The following SLC28A3 variants were observed in gnomAD, a reference collection of about 807,000 sequenced individuals.
SLC28A3 encodes the protein concentrative Na(+)-nucleoside cotransporter 3.
SLC28A3 carries 68 observed loss-of-function variants against 84.2 expected under a neutral mutation model. The observed-to-expected ratio is 0.81, with a 90% CI of 0.66 to 0.99. The LOEUF is 0.99. SLC28A3 is among the 50% of genes least tolerant of loss of function. The pLI, the probability that SLC28A3 is intolerant of heterozygous loss-of-function variation, is 0.00. For synonymous variants in SLC28A3, 267 were observed against 303.6 expected (o/e 0.88, Z 1.25); for missense variants, 712 against 841.5 (o/e 0.85, Z 1.90).
chr9:84,285,447 G>C lies in SLC28A3; in HGVS notation c.1545C>G (p.Thr515=). The C allele has an allele frequency of 3.1e-6, 5 of 1,614,126 alleles. No individual in the cohort carries two copies. In the South Asian group the frequency reaches 4.4e-5, roughly 14 times the overall value. Residue 515 remains threonine (T), a synonymous_variant, in exon 14 of 18, where the codon ACC becomes ACG. Coordinates refer to ENST00000376238, the MANE Select transcript of SLC28A3 (RefSeq NM_001199633.2). ...FMVARLIGYK[T]FFNEFVAYEH... ...CATAAGCCACAAATTCATTGAAGAA[G>C]GTCTTATAACCTATGAGTCTGGCAA...
rs116818047 is a variant in SLC28A3 at position 84,335,071 on chromosome 9, T to C, written c.60+5503A>G. On this transcript the variant is annotated intron_variant, in intron 1 of 17. Coordinates refer to ENST00000376238, the MANE Select transcript of SLC28A3 (RefSeq NM_001199633.2). ...GTGGTCTTATCCGCGCTCATATCTA[T>C]GCTAACAGCTCCCAAATGTGTGTCC... is the stretch of plus-strand genomic sequence containing the variant. Among the ~76,000 whole-genome samples the C allele has an allele frequency of 9.2e-3, 1,397 of 152,254 alleles. 36 individuals carry two copies. Among genetic ancestry groups the C allele is most frequent in the African/African-American group, 0.032 (1,321 of 41,530 alleles).
intron 2 of SLC28A3, among the ~76,000 whole-genome samples, chr9:84,311,011 C>T (rs1014867850): frequency 3.3e-5 from 5 of 152,174 alleles, no homozygotes; most frequent in African/African-American, 1.2e-4. Flanking sequence ...CTACAAATCT[C>T]CCTTGACTCC....
At chr9:84,313,865 C>CTTG (rs1826074234) in intron 1 of SLC28A3, among the ~76,000 whole-genome samples, 2 of 134,480 alleles carry the variant, frequency 1.5e-5, no homozygotes, top group Non-Finnish European at 3.1e-5. Context: ...CAAGACTCTA[C>CTTG]CTGAAAAAAA....
chr9:84,306,594 C>T (rs939050748), intron 3 of SLC28A3, among the ~76,000 whole-genome samples: 3 of 151,994 alleles, frequency 2.0e-5, no homozygotes, highest in African/African-American at 7.3e-5. Flanking sequence ...CTGAATAATT[C>T]CCAACCCATT....
At chr9:84,285,587 T>C (rs775403049) in intron 13 of SLC28A3, 45 bp from the exon 14 acceptor site, 1 of 1,608,456 alleles carries the variant, frequency 6.2e-7, no homozygotes, top group Admixed American at 1.7e-5. Flanking sequence ...AGTGATTTGC[T>C]TTCAGTTTTG....
At chr9:84,304,880 G>C (rs555802241) in intron 4 of SLC28A3, among the ~76,000 whole-genome samples, 1 of 152,238 alleles carries the variant, frequency 6.6e-6, no homozygotes, top group Admixed American at 6.5e-5. Context: ...AAATTAGCCG[G>C]GTGTGGTGAC....
At chr9:84,367,379 C>T in the SLC28A3 span, among the ~76,000 whole-genome samples, 21 of 152,162 alleles carry the variant, frequency 1.4e-4, no homozygotes, top group Admixed American at 4.6e-4. Flanking sequence ...TGGTGCTTTG[C>T]CCATTTGTGG....
At chr9:84,367,375 T>C in the SLC28A3 span, among the ~76,000 whole-genome samples, 3 of 152,174 alleles carry the variant, frequency 2.0e-5, no homozygotes, top group Non-Finnish European at 4.4e-5. Flanking sequence ...TGCCTGGTGC[T>C]TTGCCCATTT....
At chr9:84,349,871 T>A in the SLC28A3 span, among the ~76,000 whole-genome samples, 25 of 152,342 alleles carry the variant, frequency 1.6e-4, no homozygotes, top group African/African-American at 5.8e-4. Context: ...GATGACAATC[T>A]TTTTTAATAA....
chr9:84,333,741 C>A (rs1447325201), intron 1 of SLC28A3, among the ~76,000 whole-genome samples: 1 of 152,176 alleles, frequency 6.6e-6, no homozygotes, highest in Non-Finnish European at 1.5e-5. Context: ...CTGACACTAT[C>A]AGCAAAGTTG....
At chr9:84,306,348 G>A (rs1006196751) in intron 3 of SLC28A3, among the ~76,000 whole-genome samples, 6 of 152,112 alleles carry the variant, frequency 3.9e-5, no homozygotes, top group Admixed American at 1.3e-4. Flanking sequence ...CCACTACCCC[G>A]CCTTCCAACA....
intron 14 of SLC28A3, among the ~76,000 whole-genome samples, chr9:84,283,747 A>G (rs1012283970): frequency 2.6e-5 from 4 of 152,208 alleles, no homozygotes; most frequent in Non-Finnish European, 5.9e-5. Context: ...GGAGGTTGGC[A>G]TGGGCATAAT....
At chr9:84,293,072 G>T (rs940222956) in intron 9 of SLC28A3, among the ~76,000 whole-genome samples, 10 of 152,192 alleles carry the variant, frequency 6.6e-5, no homozygotes, top group African/African-American at 2.4e-4. Context: ...CAGGCACTGT[G>T]TTAAGCCCTT....
Position 84,285,134 on chromosome 9 carries a change from TAC to T in SLC28A3, c.1647+209_1647+210del, listed in dbSNP as rs199629953. Among the ~76,000 whole-genome samples, 847 of 152,288 alleles carry T rather than the reference TAC, an allele frequency of 5.6e-3. 29 individuals carry two copies. The highest frequency in any genetic ancestry group is 0.051 in the Admixed American group (778 of 15,290). On this transcript the variant is annotated intron_variant, in intron 14 of 17. Transcript: ENST00000376238. ...TATAGTGGCAATGATTAGCTGTGTC[TAC>T]ACACACACGCACACTCTAATTCAAC...
chr9:84,366,756 T>C, the SLC28A3 span, among the ~76,000 whole-genome samples: 1 of 152,212 alleles, frequency 6.6e-6, no homozygotes, highest in Non-Finnish European at 1.5e-5. Context: ...TCTCTCTCTG[T>C]TCTGAGCCAC....
intron 10 of SLC28A3, among the ~76,000 whole-genome samples, chr9:84,291,517 G>A (rs977682220): frequency 6.6e-6 from 1 of 152,140 alleles, no homozygotes; most frequent in Non-Finnish European, 1.5e-5. Context: ...TGTGTTTTTA[G>A]TAGAGACGGG....
chr9:84,343,604 G>C (rs1255419830), upstream of SLC28A3, among the ~76,000 whole-genome samples: 1 of 152,082 alleles, frequency 6.6e-6, no homozygotes, highest in Non-Finnish European at 1.5e-5. Flanking sequence ...ATGGGTTTTA[G>C]ATTTTTAAAT....
chr9:84,283,269 A>C (rs1824833581), intron 14 of SLC28A3, among the ~76,000 whole-genome samples: 1 of 152,276 alleles, frequency 6.6e-6, no homozygotes, highest in South Asian at 2.1e-4. Flanking sequence ...TACTAGAAAA[A>C]TATTAATAAC....
At chr9:84,334,125 TG>T (rs1826885771) in intron 1 of SLC28A3, among the ~76,000 whole-genome samples, 1 of 151,978 alleles carries the variant, frequency 6.6e-6, no homozygotes, top group Non-Finnish European at 1.5e-5. Flanking sequence ...GCCAACAGGG[TG>T]AAACCCCGTC....
Sources: gnomAD v4.1 joint callset for allele counts (sites outside exome capture counted in the v4.1 genomes callset) on GRCh38, gnomAD v4.1.1 for gene constraint, MANE v1.5 for transcripts, NCBI Gene and HGNC (gene_info 2026-07-23, HGNC 2026-07-21) for gene names.